The following CYSTM1 variants were observed in gnomAD, a reference collection of about 807,000 sequenced individuals.
CYSTM1 encodes cysteine-rich transmembrane module-containing protein 1.
In CYSTM1, 4 loss-of-function variants were observed where a neutral mutation model predicts 13.1. The ratio of observed to expected loss-of-function variants is 0.31; its 90% CI spans 0.15 to 0.70. The LOEUF is 0.70. Among genes scored for constraint, CYSTM1 ranks in the 30% least tolerant of loss-of-function variants. The probability of loss-of-function intolerance (pLI) is 0.72; values close to 1 mark genes in which losing one functional copy is unlikely to be tolerated. For synonymous variants in CYSTM1, 36 were observed against 42.7 expected (o/e 0.84, Z 0.62); for missense variants, 96 against 121.6 (o/e 0.79, Z 0.99).
At chr5:140,195,439 C>CT (rs35389567) in intron 2 of CYSTM1, among the ~76,000 whole-genome samples, 20,352 of 101,386 alleles carry the variant, frequency 0.2, 2,242 homozygotes, top group East Asian at 0.24. Flanking sequence ...GCCCTTTCAG[C>CT]TTTTTTTTTT....
rs1424151446 is a variant in CYSTM1 at position 140,222,805 on chromosome 5, T to TA, written c.188-20499dup. Among the ~76,000 whole-genome samples, 3 of 152,350 alleles carry TA rather than the reference T, an allele frequency of 2.0e-5. No individual in the cohort carries two copies. The East Asian group carries it at 5.8e-4, about 29-fold the overall frequency. ...GCCTGTACCCTGCACTTTAGGAACTTAGAGTCTAGTTAGGGAATATGGGAA... is the reference window on the plus strand; with the variant it reads ...GCCTGTACCCTGCACTTTAGGAACTTAAGAGTCTAGTTAGGGAATATGGGAA... On this transcript the variant is annotated intron_variant, in intron 2 of 2. Transcript: ENST00000261811.
intron 2 of CYSTM1, among the ~76,000 whole-genome samples, chr5:140,214,056 A>G (rs551329933): frequency 6.6e-6 from 1 of 152,378 alleles, no homozygotes; most frequent in South Asian, 2.1e-4. Context: ...AACTCTCTTC[A>G]CAAAAGCAGA....
intron 1 of CYSTM1, among the ~76,000 whole-genome samples, chr5:140,185,309 C>T (rs1411967220): frequency 6.6e-6 from 1 of 152,150 alleles, no homozygotes; most frequent in African/African-American, 2.4e-5. Flanking sequence ...TTTTGTACTC[C>T]ATAGAGGGGC....
chr5:140,197,365 G>A (rs184517774), intron 2 of CYSTM1, among the ~76,000 whole-genome samples: 1 of 152,274 alleles, frequency 6.6e-6, no homozygotes, highest in East Asian at 1.9e-4. Context: ...TACCAATCAC[G>A]ATTGATTTCA....
chr5:140,190,606 T>G (rs1467068530), intron 1 of CYSTM1, among the ~76,000 whole-genome samples: 1 of 152,194 alleles, frequency 6.6e-6, no homozygotes, highest in Non-Finnish European at 1.5e-5. Flanking sequence ...AAAACAACAT[T>G]GAAATATATT....
intron 1 of CYSTM1, among the ~76,000 whole-genome samples, chr5:140,193,306 C>G (rs559453092): frequency 2.0e-5 from 3 of 152,158 alleles, no homozygotes; most frequent in East Asian, 3.9e-4. Flanking sequence ...GTTTTTGAGA[C>G]GGAGTCTCAC....
intron 2 of CYSTM1, among the ~76,000 whole-genome samples, chr5:140,241,165 C>T (rs1046313835): frequency 3.3e-5 from 5 of 152,208 alleles, no homozygotes; most frequent in Non-Finnish European, 5.9e-5. Flanking sequence ...AAGAACGAAC[C>T]TGATTAAACT....
intron 2 of CYSTM1, among the ~76,000 whole-genome samples, chr5:140,232,357 G>A (rs1764627054): frequency 2.0e-5 from 3 of 152,174 alleles, no homozygotes; most frequent in South Asian, 4.1e-4. Context: ...CATTGAAACT[G>A]TGGCCGTGAG....
At chr5:140,191,966 T>C (rs1764100284) in intron 1 of CYSTM1, among the ~76,000 whole-genome samples, 1 of 152,124 alleles carries the variant, frequency 6.6e-6, no homozygotes, top group African/African-American at 2.4e-5. Context: ...GCCTTTGCAT[T>C]AGGGTTCCTA....
chr5:140,192,171 C>T (rs1015721988), intron 1 of CYSTM1, among the ~76,000 whole-genome samples: 1 of 152,216 alleles, frequency 6.6e-6, no homozygotes, highest in Non-Finnish European at 1.5e-5. Context: ...TCAACTCCTT[C>T]AAATGACACT....
intron 2 of CYSTM1, among the ~76,000 whole-genome samples, chr5:140,217,615 G>T (rs1764442809): frequency 6.6e-6 from 1 of 152,176 alleles, no homozygotes; most frequent in Non-Finnish European, 1.5e-5. Context: ...AAAATTCAGA[G>T]TACGCCAAGA....
chr5:140,214,413 C>T (rs968683323), intron 2 of CYSTM1, among the ~76,000 whole-genome samples: 1 of 152,222 alleles, frequency 6.6e-6, no homozygotes, highest in Non-Finnish European at 1.5e-5. Flanking sequence ...AAGACAACTG[C>T]TCTTTGCAGA....
chr5:140,223,616 G>C (rs140373280), intron 2 of CYSTM1, among the ~76,000 whole-genome samples: 1 of 152,380 alleles, frequency 6.6e-6, no homozygotes, highest in Non-Finnish European at 1.5e-5. Context: ...GCGGGAGTTT[G>C]CCAGACAGTA....
In CYSTM1 at chr5:140,230,137, G is replaced by A. The variant is rs1764603082; in HGVS notation, c.188-13168G>A. Among the ~76,000 whole-genome samples the A allele has an allele frequency of 6.6e-6, 1 of 152,232 alleles. No homozygotes were observed. Among genetic ancestry groups the A allele is most frequent in the Non-Finnish European group, 1.5e-5 (1 of 68,040 alleles). On this transcript the variant is annotated intron_variant, in intron 2 of 2. Transcript: ENST00000261811. This position sits in a 1 kb window ranked among gnomAD's most constrained non-coding sequence, Gnocchi z 4.1. ...TCCATCCATCTCAGCCTCCCAAAGTGCTGGGATTACAGGCGTAAGCCACCG... is the reference window on the plus strand; with the variant it reads ...TCCATCCATCTCAGCCTCCCAAAGTACTGGGATTACAGGCGTAAGCCACCG...
intron 2 of CYSTM1, among the ~76,000 whole-genome samples, chr5:140,220,484 G>T (rs934214074): frequency 3.9e-5 from 6 of 152,140 alleles, no homozygotes; most frequent in African/African-American, 1.4e-4. Context: ...TCATGATTTT[G>T]TTCCAATTGT....
intron 2 of CYSTM1, among the ~76,000 whole-genome samples, chr5:140,208,701 C>A (rs1465093419): frequency 6.6e-6 from 1 of 152,128 alleles, no homozygotes; most frequent in Non-Finnish European, 1.5e-5. Context: ...TATACACCTA[C>A]TATGTACCCA....
intron 2 of CYSTM1, chr5:140,203,266 G>A (rs913304783): frequency 2.6e-5 from 4 of 152,196 alleles, no homozygotes; most frequent in African/African-American, 9.7e-5. Context: ...ACATTGCAAA[G>A]ATAATACAAA....
At chr5:140,177,335 A>G (rs1763902995) in intron 1 of CYSTM1, among the ~76,000 whole-genome samples, 1 of 152,098 alleles carries the variant, frequency 6.6e-6, no homozygotes, top group Non-Finnish European at 1.5e-5. Context: ...TCTGTCGCCC[A>G]GGCTGGAGTG....
intron 1 of CYSTM1, among the ~76,000 whole-genome samples, chr5:140,192,839 C>T (rs1764108820): frequency 6.6e-6 from 1 of 152,106 alleles, no homozygotes; most frequent in Non-Finnish European, 1.5e-5. Context: ...TGGGTTCACC[C>T]TGGAGCTGGA....
Sources: gnomAD v4.1 joint callset for allele counts (sites outside exome capture counted in the v4.1 genomes callset) on GRCh38, gnomAD v4.1.1 for gene constraint, Gnocchi (gnomAD v3.1) non-coding constraint, MANE v1.5 for transcripts, NCBI Gene and HGNC (gene_info 2026-07-23, HGNC 2026-07-21) for gene names.